The following CDS1 variants were observed in gnomAD, a reference collection of about 807,000 sequenced individuals.
The protein encoded by CDS1 is phosphatidate cytidylyltransferase 1.
A neutral mutation model predicts 62.1 loss-of-function variants in CDS1; 41 were observed. The ratio of observed to expected loss-of-function variants is 0.66; its 90% CI spans 0.51 to 0.86. CDS1 has a LOEUF of 0.86. Ranked by LOEUF, CDS1 falls within the 40% of genes least tolerant of loss-of-function variation. The pLI, the probability that CDS1 is intolerant of heterozygous loss-of-function variation, is 0.00. For synonymous variants in CDS1, 185 were observed against 192.6 expected, an observed-to-expected ratio of 0.96 and a Z score of 0.32; for missense variants, 470 against 550.1, an observed-to-expected ratio of 0.85 and a Z score of 1.46.
At chr4:84,592,214 A>AGT (rs1451471140) in intron 1 of CDS1, among the ~76,000 whole-genome samples, 1 of 118,202 alleles carries the variant, frequency 8.5e-6, no homozygotes, top group African/African-American at 3.4e-5. Flanking sequence ...CCCAGGCTGG[A>AGT]GTGCAGTGGC....
intron 3 of CDS1, among the ~76,000 whole-genome samples, chr4:84,612,352 C>G (rs1483545214): frequency 6.6e-6 from 1 of 151,892 alleles, no homozygotes; most frequent in African/African-American, 2.4e-5. Flanking sequence ...AAATGTTGAT[C>G]TAAGATATCA....
In CDS1 at chr4:84,611,505, T is replaced by A. The variant is rs944678739; in HGVS notation, c.342+1980T>A. On this transcript the variant is annotated intron_variant, in intron 3 of 12. Transcript: ENST00000295887. ...GCTATATGATATGGTTTTCCTTTTATTTTATAAAAGAATAAGTTTTGATGT... is the reference window on the plus strand; with the variant it reads ...GCTATATGATATGGTTTTCCTTTTAATTTATAAAAGAATAAGTTTTGATGT... Among the ~76,000 whole-genome samples, 5 of 152,274 alleles carry A rather than the reference T, an allele frequency of 3.3e-5. No homozygotes were observed. In the South Asian group the frequency reaches 8.3e-4, roughly 25 times the overall value.
intron 9 of CDS1, among the ~76,000 whole-genome samples, chr4:84,640,628 C>CT (rs796320381): frequency 2.1e-4 from 32 of 151,536 alleles, no homozygotes; most frequent in East Asian, 9.7e-4. Flanking sequence ...TTCAAAAAAA[C>CT]TTTTTTTTTC....
chr4:84,631,351 T>G (rs543362589), intron 5 of CDS1, among the ~76,000 whole-genome samples: 8 of 152,308 alleles, frequency 5.3e-5, no homozygotes, highest in African/African-American at 1.9e-4. Flanking sequence ...TAATAAAGGA[T>G]CATCATTAAA....
rs934455585 is a variant in CDS1, at chr4:84,644,256, A to G, written c.1153-966A>G. ...TGCTCACCACCTACTAGGGCAGACA[A>G]TACACTTCCCCAGAGAACTACAGCA... On this transcript the variant is annotated intron_variant, in intron 11 of 12. Coordinates refer to ENST00000295887, the MANE Select transcript of CDS1 (RefSeq NM_001263.4). Among the ~76,000 whole-genome samples, 4 of 152,156 alleles carry G rather than the reference A, an allele frequency of 2.6e-5. No individual in the cohort carries two copies. In the South Asian group the frequency reaches 6.2e-4, roughly 24 times the overall value.
chr4:84,623,690 C>T (rs1054022429), intron 5 of CDS1, among the ~76,000 whole-genome samples: 1 of 152,146 alleles, frequency 6.6e-6, no homozygotes, highest in Non-Finnish European at 1.5e-5. Flanking sequence ...TTTTATTTTT[C>T]CCTTGGCTTA....
rs192532065 is a variant in CDS1, at chr4:84,587,427, A to G, written c.117+3909A>G. ...GTGACTGTGTGTTAGGAATATCCCC[A>G]TTTAATAGCTGAGAATAAGAAAAGC... On this transcript the variant is annotated intron_variant, in intron 1 of 12. Transcript: ENST00000295887. Among the ~76,000 whole-genome samples, 5 of 152,256 alleles carry G rather than the reference A, an allele frequency of 3.3e-5. No individual in the cohort carries two copies. The East Asian group carries it at 9.7e-4, about 29-fold the overall frequency.
chr4:84,612,943 C>T (rs1279883913), intron 3 of CDS1, among the ~76,000 whole-genome samples: 1 of 145,024 alleles, frequency 6.9e-6, no homozygotes, highest in Non-Finnish European at 1.5e-5. Flanking sequence ...GAGCTGAGAT[C>T]ACACCACGGC....
At chr4:84,604,746 C>T (rs552929780) in intron 2 of CDS1, among the ~76,000 whole-genome samples, 1 of 152,256 alleles carries the variant, frequency 6.6e-6, no homozygotes, top group African/African-American at 2.4e-5. Flanking sequence ...TTTTCAAATG[C>T]CAGACAGAAA....
rs1182952821 is a variant in CDS1 at position 84,650,963 on chromosome 4, A to G, written c.*2277A>G. The G allele has an allele frequency of 1.4e-4, 22 of 152,210 alleles. No homozygotes were observed. Among genetic ancestry groups the G allele is most frequent in the Admixed American group, 1.4e-3 (22 of 15,284 alleles). The allele number at this position is 152,210 out of a possible 1,614,324, so 9.4% of individuals were successfully genotyped here. ...TGTGGTGGCAGACAAATGAAAAACT[A>G]GGAAGTTCTTTCACAGTAATGCCTA... On this transcript the variant is annotated 3_prime_UTR_variant, in exon 13 of 13. Transcript: ENST00000295887.
chr4:84,616,301 AC>A (rs1409278017), intron 3 of CDS1, among the ~76,000 whole-genome samples: 3 of 152,192 alleles, frequency 2.0e-5, no homozygotes, highest in Admixed American at 2.0e-4. Flanking sequence ...GGTTTGACGT[AC>A]TTTTCTTTAT....
intron 8 of CDS1, among the ~76,000 whole-genome samples, 183 bp from the exon 9 acceptor site, chr4:84,638,737 TAGAG>T (rs1443604962): frequency 2.0e-5 from 3 of 151,888 alleles, no homozygotes; most frequent in Non-Finnish European, 4.4e-5. Flanking sequence ...TAAATATTAT[TAGAG>T]AGATTTTCAC....
intron 1 of CDS1, among the ~76,000 whole-genome samples, chr4:84,599,621 CGT>C (rs200732114): frequency 6.7e-6 from 1 of 150,274 alleles, no homozygotes; most frequent in African/African-American, 2.5e-5. Context: ...TAATATAATA[CGT>C]GTGTGTGTAT....
At chr4:84,596,362 C>G (rs946621669) in intron 1 of CDS1, among the ~76,000 whole-genome samples, 4 of 152,176 alleles carry the variant, frequency 2.6e-5, no homozygotes, top group African/African-American at 9.6e-5. Flanking sequence ...GTGAAGATGT[C>G]CCGGTAGGAC....
chr4:84,616,664 G>A (rs923629761), intron 3 of CDS1, among the ~76,000 whole-genome samples: 5 of 152,284 alleles, frequency 3.3e-5, no homozygotes, highest in South Asian at 2.1e-4. Flanking sequence ...AAGCTAGTCT[G>A]CTGTATTCAC....
intron 2 of CDS1, among the ~76,000 whole-genome samples, chr4:84,606,437 A>G (rs1723097612): frequency 1.3e-5 from 2 of 152,188 alleles, no homozygotes; most frequent in Non-Finnish European, 1.5e-5. Flanking sequence ...ACAACATTTC[A>G]TGCAGGATCC....
At chr4:84,592,034 A>T (rs6842038) in intron 1 of CDS1, among the ~76,000 whole-genome samples, 51,239 of 151,890 alleles carry the variant, frequency 0.34, 8,890 homozygotes, top group East Asian at 0.53. Flanking sequence ...CCTTTATTTC[A>T]TTTTATAGCT....
At chr4:84,642,974 A>G (rs1376724440) in intron 10 of CDS1, 50 bp from the exon 11 acceptor site, 11 of 1,556,028 alleles carry the variant, frequency 7.1e-6, no homozygotes, top group Non-Finnish European at 9.7e-6. Flanking sequence ...ATGCTCAAAT[A>G]CAATTTCAGT....
chr4:84,624,598 G>GTTACA (rs941482158), intron 5 of CDS1, among the ~76,000 whole-genome samples: 3 of 152,076 alleles, frequency 2.0e-5, no homozygotes, highest in Admixed American at 6.5e-5. Flanking sequence ...CATATCTGCA[G>GTTACA]TTACATCTAT....
Sources: gnomAD v4.1 joint callset for allele counts (sites outside exome capture counted in the v4.1 genomes callset) on GRCh38, gnomAD v4.1.1 for gene constraint, MANE v1.5 for transcripts, NCBI Gene and HGNC (gene_info 2026-07-23, HGNC 2026-07-21) for gene names.